Variants in EML1 observed in about 807,000 individuals in gnomAD.
EML1 encodes EMAP like 1.
EML1 carries 27 observed loss-of-function variants against 110.4 expected under a neutral mutation model. That is an observed-to-expected ratio of 0.24 (90% CI 0.18 to 0.34). EML1 has a LOEUF of 0.34. EML1 is among the 10% of genes least tolerant of loss of function. The pLI is 1.00. For synonymous variants in EML1, 344 were observed against 385.8 expected (o/e 0.89, Z 1.27); for missense variants, 741 against 1,030.9 (o/e 0.72, Z 3.85).
intron 1 of EML1, among the ~76,000 whole-genome samples, chr14:99,812,676 G>C (rs1223271839): frequency 6.8e-6 from 1 of 147,872 alleles, no homozygotes; most frequent in Non-Finnish European, 1.5e-5. Context: ...GGGTAGGGAG[G>C]GGAGTCAGCC....
intron 17 of EML1, among the ~76,000 whole-genome samples, chr14:99,924,743 G>A (rs1383443577): frequency 1.3e-5 from 2 of 152,172 alleles, no homozygotes; most frequent in African/African-American, 4.8e-5. Flanking sequence ...CTTTATCATA[G>A]TGAGAAAGTT....
At chr14:99,814,375 A>T (rs2058132034) in intron 1 of EML1, among the ~76,000 whole-genome samples, 2 of 152,128 alleles carry the variant, frequency 1.3e-5, no homozygotes, top group Admixed American at 6.5e-5. Context: ...TCCTGGGCTC[A>T]AGCAATCCTC....
At chr14:99,846,280 G>GTTTTTT (rs1434691850) in intron 1 of EML1, among the ~76,000 whole-genome samples, 1 of 117,740 alleles carries the variant, frequency 8.5e-6, no homozygotes, top group Non-Finnish European at 1.9e-5. Flanking sequence ...TCCAGCTGGT[G>GTTTTTT]ATTTTTTTTT....
In EML1 at chr14:99,806,409, C is replaced by T. The variant is rs188301980; in HGVS notation, c.67+12866C>T. ...TCGGCTCACCGCAACCTCTGCCTCC[C>T]GGGTTCAAGCGATTCTCCTACTTCA... is the stretch of plus-strand genomic sequence containing the variant. On this transcript the variant is annotated intron_variant, in intron 1 of 21. Transcript: ENST00000262233. Among the ~76,000 whole-genome samples, 423 of 150,852 alleles carry T rather than the reference C, an allele frequency of 2.8e-3. 1 individual carries two copies. Among genetic ancestry groups the T allele is most frequent in the African/African-American group, 0.01 (412 of 40,870 alleles).
Position 99,827,322 on chromosome 14 carries a change from G to A in EML1, c.68-23531G>A, listed in dbSNP as rs1394288117. Among the ~76,000 whole-genome samples, 3 of 150,670 alleles carry A rather than the reference G, an allele frequency of 2.0e-5. No homozygotes were observed. Among genetic ancestry groups the A allele is most frequent in the Admixed American group, 6.6e-5 (1 of 15,140 alleles). On this transcript the variant is annotated intron_variant, in intron 1 of 21. Transcript: ENST00000262233. The surrounding 1 kb of genome is among the most constrained non-coding windows in gnomAD (Gnocchi z 4.4). ...GAAACTAGCGTAACTGGACCTTGCCGGTTTTGAGTATCGTGAGTACCCTGG... is the reference window on the plus strand; with the variant it reads ...GAAACTAGCGTAACTGGACCTTGCCAGTTTTGAGTATCGTGAGTACCCTGG...
chr14:99,826,261 T>TG (rs1194366173), intron 1 of EML1, among the ~76,000 whole-genome samples: 1 of 151,932 alleles, frequency 6.6e-6, no homozygotes, highest in African/African-American at 2.4e-5. Flanking sequence ...TACAGGCATG[T>TG]GCCACCACGC....
At chr14:99,813,966 T>G (rs1306308693) in intron 1 of EML1, among the ~76,000 whole-genome samples, 4 of 152,310 alleles carry the variant, frequency 2.6e-5, no homozygotes, top group East Asian at 3.9e-4. Context: ...GAGACCTTTC[T>G]TAGCAGACGA....
chr14:99,826,504 C>T (rs2058361164), intron 1 of EML1, among the ~76,000 whole-genome samples: 1 of 152,092 alleles, frequency 6.6e-6, no homozygotes, highest in Non-Finnish European at 1.5e-5. Context: ...CTAGTCTTGC[C>T]AACTCACTCC....
intron 1 of EML1, among the ~76,000 whole-genome samples, chr14:99,748,550 C>T (rs1429713012): frequency 6.6e-6 from 1 of 152,034 alleles, no homozygotes; most frequent in African/African-American, 2.4e-5. Flanking sequence ...AGGAGGATCC[C>T]TTGAGTCCAG....
intron 1 of EML1, among the ~76,000 whole-genome samples, chr14:99,788,063 G>C (rs7158463): frequency 0.39 from 59,847 of 151,914 alleles, 12,305 homozygotes; most frequent in African/African-American, 0.47. Flanking sequence ...TCCAAGGCCC[G>C]CTGCAAGCAG....
chr14:99,775,213 T>C (rs2057469144), intron 1 of EML1, among the ~76,000 whole-genome samples: 1 of 152,128 alleles, frequency 6.6e-6, no homozygotes, highest in Non-Finnish European at 1.5e-5. Context: ...TGTTTCCTAA[T>C]TACAGAGCAT....
Position 99,914,587 on chromosome 14 carries a change from G to A in EML1, c.1642G>A (p.Gly548Arg), listed in dbSNP as rs1444902051. Residue 548 changes from glycine (G) to arginine (R), a missense_variant, in exon 15 of 22, where the codon GGA (glycine) becomes AGA (arginine). Gly to Arg is a moderately radical substitution (Grantham distance 125, BLOSUM62 -2). Around this residue, in one of 4 missense-constraint regions of EML1, gnomAD observed 388 missense variants for 605.6 expected, o/e 0.64. Coordinates refer to ENST00000262233, the MANE Select transcript of EML1 (RefSeq NM_004434.3). ...ITQGHTDELWGLAIHASKSQF... is the reference protein window; with the variant it reads ...ITQGHTDELWRLAIHASKSQF... Reference sequence around the variant, plus strand: ...GTAGGGTCACACTGATGAGCTCTGGGGACTGGCCATCCATGCCTCAAAATC... The same window carrying A: ...GTAGGGTCACACTGATGAGCTCTGGAGACTGGCCATCCATGCCTCAAAATC... 1 of 1,608,028 alleles carries A rather than the reference G, an allele frequency of 6.2e-7. No homozygotes were observed. Among genetic ancestry groups the A allele is most frequent in the Non-Finnish European group, 8.5e-7 (1 of 1,178,802 alleles).
intron 1 of EML1, among the ~76,000 whole-genome samples, chr14:99,819,647 G>A (rs1566881445): frequency 6.6e-6 from 1 of 152,186 alleles, no homozygotes; most frequent in Non-Finnish European, 1.5e-5. Context: ...GGAGATGGAG[G>A]TGTTCACTCT....
chr14:99,874,807 A>G (rs2059262022), intron 3 of EML1: 4 of 755,462 alleles, frequency 5.3e-6, no homozygotes, highest in Non-Finnish European at 4.0e-6. Context: ...TTGCGAACCA[A>G]AATGTCTTTC....
At chr14:99,793,749 C>T (rs1312131117) in intron 1 of EML1, among the ~76,000 whole-genome samples, 2 of 146,914 alleles carry the variant, frequency 1.4e-5, no homozygotes, top group African/African-American at 4.9e-5. Flanking sequence ...TCCGGGCCGC[C>T]CCGGGCTCCC....
At position 99,914,588 on chromosome 14, in the gene EML1, G is replaced by C. The variant is rs1192076161; in HGVS notation, c.1643G>C (p.Gly548Ala). 1 of 1,608,204 alleles carries C rather than the reference G, an allele frequency of 6.2e-7. No homozygotes were observed. The highest frequency in any genetic ancestry group is 8.5e-7 in the Non-Finnish European group (1 of 1,178,816). The change falls in exon 15 of 22, where the codon GGA (glycine) becomes GCA (alanine). Residue 548 changes from glycine (G) to alanine (A), a missense_variant. Physicochemically the swap from Gly to Ala is moderately conservative, Grantham distance 60. Around this residue, in one of 4 missense-constraint regions of EML1, gnomAD observed 388 missense variants for 605.6 expected, o/e 0.64. Transcript: ENST00000262233. ...TAGGGTCACACTGATGAGCTCTGGG[G>C]ACTGGCCATCCATGCCTCAAAATCT... ...ITQGHTDELWGLAIHASKSQF... is the reference protein window; with the variant it reads ...ITQGHTDELWALAIHASKSQF...
rs2059909702 is a variant in EML1 at position 99,909,401 on chromosome 14, A to G, written c.1161A>G (p.Ile387Met). The G allele has an allele frequency of 1.2e-6, 2 of 1,614,070 alleles. No individual in the cohort carries two copies. The highest frequency in any genetic ancestry group is 1.7e-5 in the Admixed American group (1 of 60,004). ...TCCACCCCACGGACACCAACATCAT[A>G]GTTACTTGTGGAAAATCACATCTCT... ...ADFHPTDTNI[I>M]VTCGKSHLYF... The change falls in exon 11 of 22, where the codon ATA becomes ATG. Residue 387 changes from isoleucine (I) to methionine (M), a missense_variant. Ile to Met is a conservative substitution (Grantham distance 10). Around this residue, in one of 4 missense-constraint regions of EML1, gnomAD observed 388 missense variants for 605.6 expected, o/e 0.64. Transcript: ENST00000262233.
chr14:99,911,539 C>A lies in EML1; in HGVS notation c.1457C>A (p.Ser486Tyr). The part of the protein sequence containing the change: ...SGGGKDRKLI[S>Y]WSGNYQKLRK... ...GGTGGGAAAGACCGAAAGCTCATTT[C>A]TTGGAGCGGAAACTATCAAAAACTT... is the stretch of plus-strand genomic sequence containing the variant. The change falls in exon 13 of 22, where the codon TCT becomes TAT. Residue 486 changes from serine to tyrosine, a missense_variant. Transcript: ENST00000262233. 1.9e-6 allele frequency: 3 copies of A among 1,612,656 alleles called. No homozygotes were observed. Among genetic ancestry groups the A allele is most frequent in the Non-Finnish European group, 2.5e-6 (3 of 1,179,770 alleles).
At chr14:99,923,582 T>A in intron 17 of EML1, among the ~76,000 whole-genome samples, 1 of 152,274 alleles carries the variant, frequency 6.6e-6, no homozygotes, top group African/African-American at 2.4e-5. Context: ...AATGACACTT[T>A]TGTCAAAAAT....
Sources: gnomAD v4.1 joint callset for allele counts (sites outside exome capture counted in the v4.1 genomes callset) on GRCh38, gnomAD v4.1.1 for gene constraint, gnomAD v4.1.1 regional missense constraint, Gnocchi (gnomAD v3.1) non-coding constraint, MANE v1.5 for transcripts, NCBI Gene and HGNC (gene_info 2026-07-23, HGNC 2026-07-21) for gene names.